VAT1L: variants seen among roughly 807,000 people sequenced by gnomAD.
VAT1L encodes the protein vesicle amine transport 1 like, also known as putative NADPH-dependent quinone oxidoreductase VAT1L.
A neutral mutation model predicts 44.1 loss-of-function variants in VAT1L; 34 were observed. The observed-to-expected ratio is 0.77, with a 90% confidence interval of 0.59 to 1.03. The LOEUF (loss-of-function observed/expected upper bound fraction) is 1.03. Among genes scored for constraint, VAT1L ranks in the 50% least tolerant of loss-of-function variants. VAT1L has a pLI of 0.00. For synonymous variants in VAT1L, 253 were observed against 202.2 expected (o/e 1.25, Z -2.13); for missense variants, 615 against 538.8 (o/e 1.14, Z -1.40).
Position 77,861,867 on chromosome 16 carries a change from A to G in VAT1L, c.580-881A>G, listed in dbSNP as rs112525006. ...TCTACACTTGCTCACAGGGTTCCCC[A>G]GAGGGATTGAGCTCCAGTTACACAT... On this transcript the variant is annotated intron_variant, in intron 3 of 8. Coordinates refer to ENST00000302536, the MANE Select transcript of VAT1L (RefSeq NM_020927.3). 9.5e-3 allele frequency among the ~76,000 whole-genome samples: 1,444 copies of G among 152,360 alleles called. 33 individuals carry two copies. The highest frequency in any genetic ancestry group is 0.033 in the African/African-American group (1,384 of 41,594).
chr16:77,958,374 C>G (rs531333927), intron 7 of VAT1L, among the ~76,000 whole-genome samples: 13 of 152,302 alleles, frequency 8.5e-5, no homozygotes, highest in African/African-American at 3.1e-4. Context: ...CACTGCGCAA[C>G]AGATATTTTC....
chr16:77,861,169 T>G (rs2016910896), intron 3 of VAT1L, among the ~76,000 whole-genome samples: 1 of 152,186 alleles, frequency 6.6e-6, no homozygotes, highest in South Asian at 2.1e-4. Context: ...CCTGATTTAG[T>G]CCGCCAGCAT....
chr16:77,805,529 A>G (rs971396839), intron 1 of VAT1L, among the ~76,000 whole-genome samples: 1 of 152,234 alleles, frequency 6.6e-6, no homozygotes, highest in East Asian at 1.9e-4. Context: ...AGACGAGAGC[A>G]GAATAAGCAA....
chr16:77,932,332 C>A (rs2017742083), intron 7 of VAT1L, among the ~76,000 whole-genome samples: 1 of 152,118 alleles, frequency 6.6e-6, no homozygotes, highest in South Asian at 2.1e-4. Context: ...GTGTCCATCT[C>A]CTGACCTCAT....
rs11649490 is a variant in VAT1L, at chr16:77,847,977, G to C, written c.580-14771G>C. On this transcript the variant is annotated intron_variant, in intron 3 of 8. Transcript: ENST00000302536. ...GAGGGTTATCACCTTCCAGGCCACC[G>C]TCCCCTGGACGTAGTGCCATTTGCC... is the stretch of plus-strand genomic sequence containing the variant. Among the ~76,000 whole-genome samples, 8 of 152,214 alleles carry C rather than the reference G, an allele frequency of 5.3e-5. No homozygotes were observed. In the East Asian group the frequency reaches 1.5e-3, roughly 29 times the overall value.
chr16:77,862,005 T>C (rs990983967), intron 3 of VAT1L, among the ~76,000 whole-genome samples: 2 of 152,224 alleles, frequency 1.3e-5, no homozygotes, highest in Non-Finnish European at 2.9e-5. Context: ...TCCAAATCGT[T>C]ATCTTAGGTT....
chr16:77,863,370 A>C (rs570457159), intron 4 of VAT1L, among the ~76,000 whole-genome samples: 1 of 152,254 alleles, frequency 6.6e-6, no homozygotes, highest in African/African-American at 2.4e-5. Flanking sequence ...CAGAAAGAAC[A>C]CACACCCTTC....
intron 8 of VAT1L, among the ~76,000 whole-genome samples, chr16:77,975,430 T>G (rs533331072): frequency 6.6e-6 from 1 of 152,072 alleles, no homozygotes; most frequent in Admixed American, 6.6e-5. Flanking sequence ...CAGGTTGTTC[T>G]TGAAATCCTG....
chr16:77,875,446 CT>C (rs2017077816), intron 4 of VAT1L, among the ~76,000 whole-genome samples: 1 of 152,148 alleles, frequency 6.6e-6, no homozygotes, highest in Non-Finnish European at 1.5e-5. Flanking sequence ...GAATGCCATT[CT>C]TGTCTGAACA....
chr16:77,794,850 A>G (rs1369295518), intron 1 of VAT1L, among the ~76,000 whole-genome samples: 2 of 152,172 alleles, frequency 1.3e-5, no homozygotes, highest in Admixed American at 6.5e-5. Context: ...TGGAAGTGCT[A>G]GCTCGGGTCA....
At chr16:77,952,855 T>TAAAAAAAAAAAAAA (rs61033802) in intron 7 of VAT1L, among the ~76,000 whole-genome samples, 1 of 92,232 alleles carries the variant, frequency 1.1e-5, no homozygotes, top group Non-Finnish European at 1.8e-5. Flanking sequence ...AGACTCCATT[T>TAAAAAAAAAAAAAA]AAAAAAAAAA....
intron 7 of VAT1L, among the ~76,000 whole-genome samples, chr16:77,900,940 G>C (rs2017375487): frequency 6.6e-6 from 1 of 151,958 alleles, no homozygotes; most frequent in Non-Finnish European, 1.5e-5. Context: ...GAGACACAGA[G>C]TCACAGCAAA....
intron 3 of VAT1L, among the ~76,000 whole-genome samples, chr16:77,834,165 G>A (rs1002004934): frequency 2.6e-5 from 4 of 152,126 alleles, no homozygotes; most frequent in Non-Finnish European, 2.9e-5. Context: ...GGACACACAC[G>A]GCTCTCATTA....
intron 4 of VAT1L, among the ~76,000 whole-genome samples, chr16:77,865,974 G>A (rs931059312): frequency 1.4e-4 from 22 of 152,286 alleles, no homozygotes; most frequent in African/African-American, 4.8e-4. Flanking sequence ...GCTGATGTCA[G>A]AAGAACAGAA....
chr16:77,865,812 GTGGGAA>G (rs2016967873), intron 4 of VAT1L, among the ~76,000 whole-genome samples: 1 of 152,158 alleles, frequency 6.6e-6, no homozygotes, highest in Non-Finnish European at 1.5e-5. Flanking sequence ...GATGTGGGGA[GTGGGAA>G]GAGAAGGGAG....
At chr16:77,852,002 C>T (rs1190392214) in intron 3 of VAT1L, among the ~76,000 whole-genome samples, 6 of 152,178 alleles carry the variant, frequency 3.9e-5, no homozygotes, top group East Asian at 1.9e-4. Flanking sequence ...TCTGTTCCTG[C>T]GTGTTCAAGG....
At chr16:77,968,580 C>T (rs974869596) in intron 7 of VAT1L, among the ~76,000 whole-genome samples, 2 of 151,970 alleles carry the variant, frequency 1.3e-5, no homozygotes, top group Admixed American at 1.3e-4. Context: ...AAAAAATTAG[C>T]CGGGCGTGGT....
At chr16:77,912,384 T>TTAATAATGG (rs1262791495) in intron 7 of VAT1L, among the ~76,000 whole-genome samples, 11 of 152,172 alleles carry the variant, frequency 7.2e-5, no homozygotes, top group African/African-American at 2.6e-4. Flanking sequence ...TGGGAAAATG[T>TTAATAATGG]TAATAATGGT....
At chr16:77,964,198 C>A (rs1261953951) in intron 7 of VAT1L, among the ~76,000 whole-genome samples, 1 of 152,136 alleles carries the variant, frequency 6.6e-6, no homozygotes, top group Non-Finnish European at 1.5e-5. Context: ...CTTCAGGTCT[C>A]ACCCATCACC....
Sources: gnomAD v4.1 joint callset for allele counts (sites outside exome capture counted in the v4.1 genomes callset) on GRCh38, gnomAD v4.1.1 for gene constraint, MANE v1.5 for transcripts, NCBI Gene and HGNC (gene_info 2026-07-23, HGNC 2026-07-21) for gene names.